Variants in CYP4F11 observed in about 807,000 individuals in gnomAD.
The protein encoded by CYP4F11 is cytochrome P450 family 4 subfamily F member 11.
Under a neutral mutation model 62.2 loss-of-function variants are expected in CYP4F11, and 79 were observed. The observed-to-expected ratio is 1.27, with a 90% confidence interval of 1.06 to 1.53. The LOEUF is 1.53. CYP4F11 is among the 40% of genes most tolerant of loss of function. The probability of loss-of-function intolerance (pLI) is 0.00; values close to 1 mark genes in which losing one functional copy is unlikely to be tolerated. For synonymous variants in CYP4F11, 290 were observed against 263.7 expected, an observed-to-expected ratio of 1.10 and a Z score of -0.97; for missense variants, 777 against 680.5, an observed-to-expected ratio of 1.14 and a Z score of -1.58.
rs1259355421 is a variant in CYP4F11 at position 15,914,595 on chromosome 19, G to A, written c.1314+7C>T. ...CTCCAAAAAGGGTGGGGTGAGGGAGGCACTACCTCAGGGTCTGGCCACACA... is the reference window on the plus strand; with the variant it reads ...CTCCAAAAAGGGTGGGGTGAGGGAGACACTACCTCAGGGTCTGGCCACACA... On this transcript the variant is annotated splice_region_variant and intron_variant, in intron 10 of 11. Transcript: ENST00000402119. 1.2e-6 allele frequency: 2 copies of A among 1,613,954 alleles called. No homozygotes were observed. The highest frequency in any genetic ancestry group is 1.7e-6 in the Non-Finnish European group (2 of 1,179,934).
chr19:15,918,070 A>T (rs992998169), intron 8 of CYP4F11, among the ~76,000 whole-genome samples: 5 of 152,200 alleles, frequency 3.3e-5, no homozygotes, highest in African/African-American at 1.2e-4. Context: ...GACAAAGAAA[A>T]TGTGGTTCAT....
In CYP4F11 at chr19:15,914,753, T is replaced by C. The variant is rs1268042087; in HGVS notation, c.1249+9A>G. On this transcript the variant is annotated intron_variant, in intron 9 of 11. Transcript: ENST00000402119. ...CCCAGGAGGCTCCTCCCCCTGAGGC[T>C]GTGAGCACCTTTGGGGATGACGCGG... The C allele has an allele frequency of 6.8e-6, 11 of 1,613,966 alleles. No individual in the cohort carries two copies. Among genetic ancestry groups the C allele is most frequent in the Middle Eastern group, 1.6e-4 (1 of 6,082 alleles).
Position 15,924,782 on chromosome 19 carries a change from C to G in CYP4F11, c.626G>C (p.Ser209Thr), listed in dbSNP as rs2089656132. ...TLDSLQKCVFSFESNCQEKPS... is the reference protein window; with the variant it reads ...TLDSLQKCVFTFESNCQEKPS... ...TCACTCCTGACAATTGCTTTCAAAG[C>G]TGAAGACACATTTCTGCAGACTGTC... Residue 209 changes from serine (S) to threonine (T), a missense_variant, in exon 5 of 12, where the codon AGC (serine) becomes ACC (threonine). By Grantham distance (58) the Ser-to-Thr change is moderately conservative. Coordinates refer to ENST00000402119, the MANE Select transcript of CYP4F11 (RefSeq NM_021187.4). 1.2e-6 allele frequency: 2 copies of G among 1,612,422 alleles called. No individual in the cohort carries two copies. The highest frequency in any genetic ancestry group is 1.3e-5 in the African/African-American group (1 of 74,980).
Position 15,929,461 on chromosome 19 carries a change from G to C in CYP4F11, c.339C>G (p.Ala113=). The C allele has an allele frequency of 6.2e-7, 1 of 1,614,148 alleles. No individual in the cohort carries two copies. The highest frequency in any genetic ancestry group is 8.5e-7 in the Non-Finnish European group (1 of 1,180,036). Residue 113 remains alanine (A), a synonymous_variant, in exon 2 of 12, where the codon GCC becomes GCG. Coordinates refer to ENST00000402119, the MANE Select transcript of CYP4F11 (RefSeq NM_021187.4). ...HPDIIRPITS[A]SAAVAPKDMI... is the part of the protein sequence containing the mutation. ...CCACAAGCTCTGCACGGGTACCTGA[G>C]GCACTGGTGATAGGCCGGATAATGT... is the stretch of plus-strand genomic sequence containing the variant.
chr19:15,916,763 C>CG (rs2145038196), intron 8 of CYP4F11, among the ~76,000 whole-genome samples: 1 of 151,936 alleles, frequency 6.6e-6, no homozygotes, highest in South Asian at 2.1e-4. Context: ...ACTAAAAAGT[C>CG]AAAAAACAAT....
intron 8 of CYP4F11, among the ~76,000 whole-genome samples, chr19:15,916,848 G>A (rs1312394908): frequency 5.9e-5 from 9 of 152,186 alleles, no homozygotes. Flanking sequence ...TACAACCTCT[G>A]TGGAAAGCAG....
chr19:15,924,759 A>AG lies in CYP4F11; in HGVS notation c.647+1_647+2insC. 6.2e-7 allele frequency: 1 copy of AG among 1,609,144 alleles called. No homozygotes were observed. The highest frequency in any genetic ancestry group is 8.5e-7 in the Non-Finnish European group (1 of 1,176,952). On this transcript the variant is annotated splice_donor_variant, in intron 5 of 11. Coordinates refer to ENST00000402119, the MANE Select transcript of CYP4F11 (RefSeq NM_021187.4). LOFTEE classifies it high-confidence loss of function. ...GTTCTCAGGTCCTAGGAAAGGACTC[A>AG]CTCCTGACAATTGCTTTCAAAGCTG... is the stretch of plus-strand genomic sequence containing the variant.
rs201322675 is a variant in CYP4F11, at chr19:15,934,369, C to A, written c.40G>T (p.Val14Leu). The part of the protein sequence containing the change: ...LSLSWLGLGP[V>L]AASPWLLLLL... ...AGAAGCAGCCACGGGGATGCTGCCA[C>A]GGGCCCGAGGCCCAGCCAGGACAGG... Residue 14 changes from valine to leucine, a missense_variant, in exon 1 of 12, where the codon GTG becomes TTG. Coordinates refer to ENST00000402119, the MANE Select transcript of CYP4F11 (RefSeq NM_021187.4). 2.1e-5 allele frequency: 34 copies of A among 1,613,276 alleles called. No homozygotes were observed. The highest frequency in any genetic ancestry group is 2.6e-5 in the Non-Finnish European group (31 of 1,179,716).
At chr19:15,929,296 G>A (rs1333526515) in intron 2 of CYP4F11, among the ~76,000 whole-genome samples, 161 bp downstream of exon 2, 1 of 152,212 alleles carries the variant, frequency 6.6e-6, no homozygotes, top group African/African-American at 2.4e-5. Context: ...CGCTGACATG[G>A]GGGGTTCGTG....
At chr19:15,931,662 GA>G (rs1454834292) in intron 1 of CYP4F11, among the ~76,000 whole-genome samples, 20 of 62,526 alleles carry the variant, frequency 3.2e-4, no homozygotes, top group South Asian at 1.2e-3. Context: ...ATGAGTGAGC[GA>G]GGAGAGGAAT....
rs573552366 is a variant in CYP4F11 at position 15,927,634 on chromosome 19, T to C, written c.344-151A>G. On this transcript the variant is annotated intron_variant, in intron 2 of 11. Coordinates refer to ENST00000402119, the MANE Select transcript of CYP4F11 (RefSeq NM_021187.4). Reference sequence around the variant, plus strand: ...CCAAGGGTAGAGGAAGAAGGGAGGATGGTGGAGGAAGGAGAGACCAGACCA... The same window carrying C: ...CCAAGGGTAGAGGAAGAAGGGAGGACGGTGGAGGAAGGAGAGACCAGACCA... 5 of 1,046,832 alleles carry C rather than the reference T, an allele frequency of 4.8e-6. No homozygotes were observed. In the Admixed American group the frequency reaches 6.6e-5, roughly 14 times the overall value. The allele number at this position is 1,046,832 out of a possible 1,614,324, so 64.8% of individuals were successfully genotyped here.
chr19:15,926,565 A>G (rs968484339), intron 4 of CYP4F11, among the ~76,000 whole-genome samples: 1 of 152,220 alleles, frequency 6.6e-6, no homozygotes, highest in Non-Finnish European at 1.5e-5. Flanking sequence ...AGCCTGGTTG[A>G]ACTTTGAAAC....
At chr19:15,925,358 T>C (rs2145050006) in intron 4 of CYP4F11, among the ~76,000 whole-genome samples, 1 of 152,304 alleles carries the variant, frequency 6.6e-6, no homozygotes, top group East Asian at 1.9e-4. Flanking sequence ...TAAAATTAAA[T>C]TCCTAAATAT....
rs1019408572 is a variant in CYP4F11 at position 15,917,937 on chromosome 19, T to C, written c.1116-3042A>G. Among the ~76,000 whole-genome samples the C allele has an allele frequency of 1.4e-4, 22 of 152,258 alleles. 1 individual carries two copies. In the South Asian group the frequency reaches 3.3e-3, roughly 23 times the overall value. On this transcript the variant is annotated intron_variant, in intron 8 of 11. Transcript: ENST00000402119. Reference sequence around the variant, plus strand: ...TTGACCCAGAAATCCCATTACTGGGTATAGATCCAAATGAATATAAATCAT... The same window carrying C: ...TTGACCCAGAAATCCCATTACTGGGCATAGATCCAAATGAATATAAATCAT...
At chr19:15,919,549 T>C (rs2089610198) in intron 8 of CYP4F11, among the ~76,000 whole-genome samples, 1 of 151,410 alleles carries the variant, frequency 6.6e-6, no homozygotes, top group African/African-American at 2.4e-5. Flanking sequence ...GACAGTTAGA[T>C]GACAAATTGA....
intron 8 of CYP4F11, among the ~76,000 whole-genome samples, chr19:15,915,188 A>T (rs556355819): frequency 2.6e-5 from 4 of 152,352 alleles, no homozygotes; most frequent in East Asian, 3.9e-4. Flanking sequence ...TTATGGTAAG[A>T]AAGCAAACAC....
rs1463754437 is a variant in CYP4F11 at position 15,921,046 on chromosome 19, CTCTT to C, written c.1115+987_1115+990del. ...TCTCACTCTTGGTCTCTCTCTCTCT[CTCTT>C]TCTGTCTCTCTCTCTCTCTCTCTCT... is the stretch of plus-strand genomic sequence containing the variant. On this transcript the variant is annotated intron_variant, in intron 8 of 11. Coordinates refer to ENST00000402119, the MANE Select transcript of CYP4F11 (RefSeq NM_021187.4). Among the ~76,000 whole-genome samples, 52 of 109,870 alleles carry C rather than the reference CTCTT, an allele frequency of 4.7e-4. 1 individual carries two copies. Among genetic ancestry groups the C allele is most frequent in the Non-Finnish European group, 1.7e-4 (9 of 52,036 alleles). The allele number at this position is 109,870 out of a possible 152,430, so 72.1% of individuals were successfully genotyped here.
chr19:15,914,925 T>C, intron 8 of CYP4F11, 30 bp from the exon 9 acceptor site: 2 of 1,610,736 alleles, frequency 1.2e-6, no homozygotes, highest in Non-Finnish European at 1.7e-6. Flanking sequence ...CCAATCATTA[T>C]CAAGGGAACA....
At chr19:15,931,326 C>T (rs867644911) in intron 1 of CYP4F11, among the ~76,000 whole-genome samples, 18 of 151,758 alleles carry the variant, frequency 1.2e-4, no homozygotes, top group African/African-American at 4.4e-4. Flanking sequence ...GGGAGTAGTC[C>T]CTGGACAGTA....
Sources: allele counts gnomAD v4.1 joint callset (sites outside exome capture counted in the v4.1 genomes callset), GRCh38; gene constraint gnomAD v4.1.1; transcripts MANE v1.5; gene names NCBI Gene and HGNC (gene_info 2026-07-23, HGNC 2026-07-21).